Variants in LRMDA observed in about 807,000 individuals in gnomAD.
The protein encoded by LRMDA is leucine-rich melanocyte differentiation-associated protein.
Under a neutral mutation model 29.8 loss-of-function variants are expected in LRMDA, and 18 were observed. That is an observed-to-expected ratio of 0.60 (90% CI 0.42 to 0.90). The LOEUF (loss-of-function observed/expected upper bound fraction) is 0.90. Among genes scored for constraint, LRMDA ranks in the 40% least tolerant of loss-of-function variants. The pLI is 0.00. For synonymous variants in LRMDA, 125 were observed against 109.4 expected (o/e 1.14, Z -0.89); for missense variants, 273 against 273.9 (o/e 1.00, Z 0.02).
chr10:76,426,957 G>T (rs1208082122), intron 6 of LRMDA, among the ~76,000 whole-genome samples: 1 of 152,142 alleles, frequency 6.6e-6, no homozygotes, highest in Non-Finnish European at 1.5e-5. Context: ...TGTTCCATTG[G>T]TCTGTGTCTC....
chr10:76,239,773 A>AT (rs756893098), intron 5 of LRMDA, among the ~76,000 whole-genome samples: 204 of 150,856 alleles, frequency 1.4e-3, no homozygotes, highest in Non-Finnish European at 1.7e-3. Context: ...ATTCAAATTC[A>AT]TTTTTTTTTG....
chr10:76,308,848 G>A (rs542659095), intron 5 of LRMDA, among the ~76,000 whole-genome samples: 1 of 152,208 alleles, frequency 6.6e-6, no homozygotes, highest in Non-Finnish European at 1.5e-5. Context: ...GAAAGTCAGT[G>A]TGCGGCTTCT....
chr10:76,290,532 T>C (rs1447962424), intron 5 of LRMDA, among the ~76,000 whole-genome samples: 3 of 151,566 alleles, frequency 2.0e-5, no homozygotes, highest in Non-Finnish European at 4.4e-5. Context: ...AGGGGATTCT[T>C]GTGCCTCAGC....
intron 2 of LRMDA, among the ~76,000 whole-genome samples, chr10:75,797,951 C>G (rs1192553781): frequency 1.3e-5 from 2 of 152,102 alleles, no homozygotes; most frequent in Admixed American, 6.6e-5. Context: ...ATGAAGATTC[C>G]AATTTCTCTA....
chr10:76,207,764 G>A (rs1851563717), intron 5 of LRMDA, among the ~76,000 whole-genome samples: 1 of 152,124 alleles, frequency 6.6e-6, no homozygotes, highest in African/African-American at 2.4e-5. Flanking sequence ...AGGAGATCGA[G>A]ACCAGCCTGG....
At chr10:76,093,979 A>C (rs1849274723) in intron 5 of LRMDA, among the ~76,000 whole-genome samples, 1 of 152,210 alleles carries the variant, frequency 6.6e-6, no homozygotes, top group Non-Finnish European at 1.5e-5. Context: ...CAAAATGCTC[A>C]GAGGTATTTG....
At chr10:76,281,516 A>G (rs969209333) in intron 5 of LRMDA, among the ~76,000 whole-genome samples, 6 of 152,052 alleles carry the variant, frequency 3.9e-5, no homozygotes, top group Non-Finnish European at 7.3e-5. Context: ...GTCAGATCTG[A>G]TGTGTTCCCC....
intron 2 of LRMDA, among the ~76,000 whole-genome samples, chr10:75,569,489 C>T (rs1413832213): frequency 6.6e-6 from 1 of 152,120 alleles, no homozygotes; most frequent in African/African-American, 2.4e-5. Context: ...ATTAATGTGC[C>T]AGCTTGGATT....
chr10:76,486,256 C>G (rs1479700075), intron 6 of LRMDA, among the ~76,000 whole-genome samples: 1 of 151,926 alleles, frequency 6.6e-6, no homozygotes, highest in Non-Finnish European at 1.5e-5. Context: ...GTTTTGCCTT[C>G]TGTAGGTGGT....
At chr10:75,454,059 G>A (rs1036627679) in intron 2 of LRMDA, among the ~76,000 whole-genome samples, 1 of 152,146 alleles carries the variant, frequency 6.6e-6, no homozygotes, top group African/African-American at 2.4e-5. Context: ...GGTAACAGAC[G>A]GAGGGGGCAG....
At chr10:75,927,930 A>G (rs543620915) in intron 2 of LRMDA, among the ~76,000 whole-genome samples, 57 of 152,336 alleles carry the variant, frequency 3.7e-4, no homozygotes, top group Non-Finnish European at 6.8e-4. Flanking sequence ...TGGAACAGTA[A>G]TAATAATGCT....
chr10:76,289,167 C>T (rs1470704794), intron 5 of LRMDA, among the ~76,000 whole-genome samples: 1 of 152,062 alleles, frequency 6.6e-6, no homozygotes, highest in Non-Finnish European at 1.5e-5. Context: ...CAAACTTGGC[C>T]TGTGTGGTGC....
chr10:76,026,365 G>A lies in LRMDA; in HGVS notation c.132-9643G>A, dbSNP rs144375338. Reference sequence around the variant, plus strand: ...TTCTAAATGTGGCCTGGTGACTCATGTGTGTTTTCAGGTAGGCCACTTTAC... The same window carrying A: ...TTCTAAATGTGGCCTGGTGACTCATATGTGTTTTCAGGTAGGCCACTTTAC... On this transcript the variant is annotated intron_variant, in intron 2 of 6. Coordinates refer to ENST00000611255, the MANE Select transcript of LRMDA (RefSeq NM_001305581.2). Among the ~76,000 whole-genome samples the A allele has an allele frequency of 2.6e-4, 39 of 152,302 alleles. 1 individual carries two copies. The East Asian group carries it at 6.6e-3, about 26-fold the overall frequency.
intron 2 of LRMDA, among the ~76,000 whole-genome samples, chr10:75,531,871 A>G (rs11001412): frequency 0.018 from 2,705 of 151,634 alleles, 84 homozygotes; most frequent in African/African-American, 0.063. Context: ...CTCAGCCTGG[A>G]CAACATGGCA....
In LRMDA at chr10:76,217,130, T is replaced by C. The variant is rs1374558970; in HGVS notation, c.517-107271T>C. Reference sequence around the variant, plus strand: ...ATTTTAAAATACAAATGTATTATTATATACATACATTTTATATATGTGAAT... The same window carrying C: ...ATTTTAAAATACAAATGTATTATTACATACATACATTTTATATATGTGAAT... On this transcript the variant is annotated intron_variant, in intron 5 of 6. Transcript: ENST00000611255. 2.6e-5 allele frequency among the ~76,000 whole-genome samples: 4 copies of C among 152,192 alleles called. No homozygotes were observed. In the South Asian group the frequency reaches 6.2e-4, roughly 24 times the overall value.
chr10:76,038,894 C>T (rs1848296697), intron 3 of LRMDA, among the ~76,000 whole-genome samples: 1 of 152,166 alleles, frequency 6.6e-6, no homozygotes, highest in Non-Finnish European at 1.5e-5. Context: ...CAGGATGGTT[C>T]TTCTGCTAGT....
At chr10:75,588,941 T>C (rs1387854585) in intron 2 of LRMDA, among the ~76,000 whole-genome samples, 1 of 152,236 alleles carries the variant, frequency 6.6e-6, no homozygotes, top group African/African-American at 2.4e-5. Context: ...GAGAGCTTCC[T>C]CATTAAAATT....
intron 2 of LRMDA, among the ~76,000 whole-genome samples, chr10:75,830,074 A>G (rs1844313692): frequency 6.6e-6 from 1 of 152,040 alleles, no homozygotes; most frequent in African/African-American, 2.4e-5. Context: ...AGCATTTTTG[A>G]GACCTAGGTC....
intron 2 of LRMDA, among the ~76,000 whole-genome samples, chr10:75,688,343 G>A (rs897754879): frequency 6.6e-6 from 1 of 152,224 alleles, no homozygotes; most frequent in Non-Finnish European, 1.5e-5. Flanking sequence ...GGAAGAAGTG[G>A]ATTTTAAACC....
Sources: allele counts gnomAD v4.1 joint callset (sites outside exome capture counted in the v4.1 genomes callset), GRCh38; gene constraint gnomAD v4.1.1; transcripts MANE v1.5; gene names NCBI Gene and HGNC (gene_info 2026-07-23, HGNC 2026-07-21).